Variants in RFX2 observed in about 807,000 individuals in gnomAD.
The protein encoded by RFX2 is regulatory factor X2.
A neutral mutation model predicts 87.8 loss-of-function variants in RFX2; 20 were observed. The ratio of observed to expected loss-of-function variants is 0.23; its 90% CI spans 0.16 to 0.33. The LOEUF (loss-of-function observed/expected upper bound fraction) is 0.33, where lower values mean the gene tolerates loss of function less well. Among genes scored for constraint, RFX2 ranks in the 10% least tolerant of loss-of-function variants. The pLI, the probability that RFX2 is intolerant of heterozygous loss-of-function variation, is 1.00. For synonymous variants in RFX2, 397 were observed against 431.3 expected, an observed-to-expected ratio of 0.92 and a Z score of 0.98; for missense variants, 767 against 1,012.3, an observed-to-expected ratio of 0.76 and a Z score of 3.29.
intron 7 of RFX2, among the ~76,000 whole-genome samples, chr19:6,015,685 G>A (rs902566735): frequency 6.6e-6 from 1 of 151,972 alleles, no homozygotes; most frequent in African/African-American, 2.4e-5. Context: ...TTTTTTTGTA[G>A]AGATGAGGTC....
intron 1 of RFX2, among the ~76,000 whole-genome samples, chr19:6,105,090 C>A: frequency 6.7e-6 from 1 of 150,304 alleles, no homozygotes. Flanking sequence ...TACACTCCAG[C>A]CTGGTGACAG....
rs764328658 is a variant in RFX2 at position 6,007,646 on chromosome 19, T to C, written c.1247+44A>G. On this transcript the variant is annotated intron_variant, in intron 11 of 17. Coordinates refer to ENST00000303657, the MANE Select transcript of RFX2 (RefSeq NM_000635.4). This position sits in a 1 kb window ranked among gnomAD's most constrained non-coding sequence, Gnocchi z 8.2. Reference sequence around the variant, plus strand: ...TTACCTGTGGACGTCAGCAGGGGGTTAAGTCTGGGGTGGCTGTGAACCCAG... The same window carrying C: ...TTACCTGTGGACGTCAGCAGGGGGTCAAGTCTGGGGTGGCTGTGAACCCAG... The C allele has an allele frequency of 1.7e-6, 2 of 1,203,384 alleles. No individual in the cohort carries two copies. The highest frequency in any genetic ancestry group is 1.5e-5 in the African/African-American group (1 of 66,182). The allele number at this position is 1,203,384 out of a possible 1,614,324, so 74.5% of individuals were successfully genotyped here. A position where few individuals can be genotyped will look rare whatever the true frequency, so the allele number is the denominator to read the frequency against.
In RFX2 at chr19:6,007,618, G is replaced by A; in HGVS notation, c.1247+72C>T. On this transcript the variant is annotated intron_variant, in intron 11 of 17. Coordinates refer to ENST00000303657, the MANE Select transcript of RFX2 (RefSeq NM_000635.4). The surrounding 1 kb of genome is among the most constrained non-coding windows in gnomAD (Gnocchi z 8.2). ...TTGGAGAGCTGAGGCTTTCGTTTGT[G>A]GGTTACCTGTGGACGTCAGCAGGGG... is the stretch of plus-strand genomic sequence containing the variant. 1.2e-6 allele frequency: 1 copy of A among 855,022 alleles called. No individual in the cohort carries two copies. The highest frequency in any genetic ancestry group is 1.9e-6 in the Non-Finnish European group (1 of 518,004). The allele number at this position is 855,022 out of a possible 1,614,324, so 53.0% of individuals were successfully genotyped here. A position where few individuals can be genotyped will look rare whatever the true frequency, so the allele number is the denominator to read the frequency against.
intron 1 of RFX2, among the ~76,000 whole-genome samples, chr19:6,071,148 TG>T (rs1203548704): frequency 1.6e-4 from 24 of 152,390 alleles, no homozygotes; most frequent in African/African-American, 5.8e-4. Flanking sequence ...CGTACAAACA[TG>T]CATCCTTAAA....
chr19:6,098,965 C>CAAAAAAA lies in RFX2; in HGVS notation c.-9+11421_-9+11427dup, dbSNP rs34110529. Among the ~76,000 whole-genome samples the CAAAAAAA allele has an allele frequency of 3.6e-3, 188 of 52,748 alleles. 18 individuals are homozygous for CAAAAAAA. Among genetic ancestry groups the CAAAAAAA allele is most frequent in the African/African-American group, 9.0e-3 (172 of 19,178 alleles). The allele number at this position is 52,748 out of a possible 152,430, so 34.6% of individuals were successfully genotyped here. A position where few individuals can be genotyped will look rare whatever the true frequency, so the allele number is the denominator to read the frequency against. On this transcript the variant is annotated intron_variant, in intron 1 of 17. Coordinates refer to ENST00000303657, the MANE Select transcript of RFX2 (RefSeq NM_000635.4). ...AATCTTTCACAAACTGCTTGAACCA[C>CAAAAAAA]AAAAAAAAAAAAAAAAAAAAAAAAA...
At position 6,010,035 on chromosome 19, in the gene RFX2, G is replaced by A. The variant is rs542575709; in HGVS notation, c.1015+101C>T. 2.6e-5 allele frequency: 16 copies of A among 615,974 alleles called. No individual in the cohort carries two copies. Among genetic ancestry groups the A allele is most frequent in the African/African-American group, 1.3e-4 (7 of 55,044 alleles). The allele number at this position is 615,974 out of a possible 1,614,324, so 38.2% of individuals were successfully genotyped here. Reference sequence around the variant, plus strand: ...AAAGGTGTCTCGTAAGAAAACTGTCGGAAGCAGACGCTTAGACACCACTGG... The same window carrying A: ...AAAGGTGTCTCGTAAGAAAACTGTCAGAAGCAGACGCTTAGACACCACTGG... On this transcript the variant is annotated intron_variant, in intron 9 of 17. Coordinates refer to ENST00000303657, the MANE Select transcript of RFX2 (RefSeq NM_000635.4). The surrounding 1 kb of genome is among the most constrained non-coding windows in gnomAD (Gnocchi z 5.0).
At chr19:6,091,914 T>A (rs74452731) in intron 1 of RFX2, among the ~76,000 whole-genome samples, 2,341 of 152,304 alleles carry the variant, frequency 0.015, 49 homozygotes, top group African/African-American at 0.053. Context: ...ATGTCCCAGT[T>A]TGGGAGTCAG....
At chr19:6,085,174 C>T (rs953410423) in intron 1 of RFX2, among the ~76,000 whole-genome samples, 1 of 147,120 alleles carries the variant, frequency 6.8e-6, no homozygotes, top group Non-Finnish European at 1.5e-5. Context: ...GTACAAATCC[C>T]TGTCTGAGTG....
chr19:6,079,862 G>A (rs1294314016), intron 1 of RFX2, among the ~76,000 whole-genome samples: 1 of 140,462 alleles, frequency 7.1e-6, no homozygotes, highest in Non-Finnish European at 1.5e-5. Flanking sequence ...CTCCAGCCTG[G>A]CAACAAAGCA....
At chr19:6,075,666 G>C (rs1368272878) in intron 1 of RFX2, among the ~76,000 whole-genome samples, 2 of 152,198 alleles carry the variant, frequency 1.3e-5, no homozygotes, top group Non-Finnish European at 1.5e-5. Context: ...GGTCTGGGGA[G>C]AGACAAGTGT....
chr19:6,073,018 T>C (rs1320477145), intron 1 of RFX2: 1 of 524,496 alleles, frequency 1.9e-6, no homozygotes, highest in Non-Finnish European at 3.5e-6. Flanking sequence ...CTCACTCTGT[T>C]GTGCAGGCTG....
intron 13 of RFX2, among the ~76,000 whole-genome samples, chr19:6,003,777 T>TGAAA (rs1318446976): frequency 1.2e-4 from 4 of 32,864 alleles, no homozygotes; most frequent in African/African-American, 4.5e-4. Context: ...AGACTCTGTC[T>TGAAA]CAAAAAAAAA....
chr19:6,041,020 G>T (rs2087098624), intron 4 of RFX2, among the ~76,000 whole-genome samples: 1 of 152,180 alleles, frequency 6.6e-6, no homozygotes, highest in Admixed American at 6.5e-5. Flanking sequence ...ACTGAATAAG[G>T]CCTGTGGGCT....
chr19:6,034,160 C>A (rs187777358), intron 5 of RFX2, among the ~76,000 whole-genome samples: 3 of 152,158 alleles, frequency 2.0e-5, no homozygotes, highest in South Asian at 2.1e-4. Context: ...GCCTCAACCT[C>A]CCCCAGCTCA....
chr19:6,083,654 C>G lies in RFX2; in HGVS notation c.-9+26739G>C, dbSNP rs1356310074. Among the ~76,000 whole-genome samples the G allele has an allele frequency of 6.6e-6, 1 of 151,644 alleles. No individual in the cohort carries two copies. Among genetic ancestry groups the G allele is most frequent in the Non-Finnish European group, 1.5e-5 (1 of 67,966 alleles). On this transcript the variant is annotated intron_variant, in intron 1 of 17. Coordinates refer to ENST00000303657, the MANE Select transcript of RFX2 (RefSeq NM_000635.4). This position sits in a 1 kb window ranked among gnomAD's most constrained non-coding sequence, Gnocchi z 4.6. Reference sequence around the variant, plus strand: ...GTGGTGCAAACATGGCTCACTGCAGCCTCCACTTCCAGAGCTCAAGTGATC... The same window carrying G: ...GTGGTGCAAACATGGCTCACTGCAGGCTCCACTTCCAGAGCTCAAGTGATC...
chr19:6,080,046 TTC>T (rs2087756750), intron 1 of RFX2, among the ~76,000 whole-genome samples: 1 of 151,248 alleles, frequency 6.6e-6, no homozygotes, highest in Non-Finnish European at 1.5e-5. Context: ...GCTCTGAGGA[TTC>T]TGTTTTTTTA....
intron 1 of RFX2, among the ~76,000 whole-genome samples, chr19:6,098,060 T>G (rs952540870): frequency 6.6e-6 from 1 of 152,188 alleles, no homozygotes; most frequent in Non-Finnish European, 1.5e-5. Context: ...ATCAAAAATG[T>G]TATCACACAG....
In RFX2 at chr19:6,001,993, C is replaced by G. The variant is rs764525257; in HGVS notation, c.1681G>C (p.Glu561Gln). ...TGCTCCAGCCGCTGCACCACACTCT[C>G]CTCGCACTGGCACACCCACGAGGCC... ...EQASWVCQCE[E>Q]SVVQRLEQDF... Residue 561 changes from glutamate (E) to glutamine (Q), a missense_variant, in exon 15 of 18, where the codon GAG becomes CAG. Physicochemically the swap from Glu to Gln is conservative, Grantham distance 29. This residue lies in a region of RFX2 where 621 missense variants were observed against 873.0 expected (regional missense o/e 0.71). Coordinates refer to ENST00000303657, the MANE Select transcript of RFX2 (RefSeq NM_000635.4). The surrounding 1 kb of genome is among the most constrained non-coding windows in gnomAD (Gnocchi z 5.6). 6.2e-7 allele frequency: 1 copy of G among 1,611,160 alleles called. No individual in the cohort carries two copies. The highest frequency in any genetic ancestry group is 1.1e-5 in the South Asian group (1 of 91,040).
intron 1 of RFX2, among the ~76,000 whole-genome samples, chr19:6,098,616 G>C (rs1392120815): frequency 6.6e-6 from 1 of 152,024 alleles, no homozygotes; most frequent in African/African-American, 2.4e-5. Context: ...GAGTGTTATA[G>C]AGGGGTTAAA....
Sources: allele counts gnomAD v4.1 joint callset (sites outside exome capture counted in the v4.1 genomes callset), GRCh38; gene constraint gnomAD v4.1.1; regional missense constraint gnomAD v4.1.1; non-coding constraint Gnocchi (gnomAD v3.1); transcripts MANE v1.5; gene names NCBI Gene and HGNC (gene_info 2026-07-23, HGNC 2026-07-21).